Variants in CDK10 observed in about 807,000 individuals in gnomAD.
CDK10 encodes cyclin-dependent kinase 10.
In CDK10, 55 loss-of-function variants were observed where a neutral mutation model predicts 51.0. That is an observed-to-expected ratio of 1.08 (90% CI 0.87 to 1.35). The LOEUF (loss-of-function observed/expected upper bound fraction) is 1.35. CDK10 is among the 40% of genes most tolerant of loss of function. CDK10 has a pLI of 0.00. For missense variants in CDK10, 589 were observed against 485.1 expected, an observed-to-expected ratio of 1.21 and a Z score of -2.01; for synonymous variants, 255 against 199.1, an observed-to-expected ratio of 1.28 and a Z score of -2.36.
At chr16:89,687,654 C>T (rs748077006) in intron 1 of CDK10, 2 of 442,304 alleles carry the variant, frequency 4.5e-6, no homozygotes, top group South Asian at 3.1e-5. Flanking sequence ...TCGTCAGCCT[C>T]CTGGGCTCAA....
At chr16:89,694,143 C>T in intron 8 of CDK10, 30 bp from the exon 9 acceptor site, 3 of 1,611,140 alleles carry the variant, frequency 1.9e-6, no homozygotes, top group Middle Eastern at 1.7e-4. Context: ...GAGGAGCCGG[C>T]TGTATTGAGG....
intron 8 of CDK10, 120 bp downstream of exon 8, chr16:89,693,587 C>A: frequency 1.0e-6 from 1 of 987,492 alleles, no homozygotes; most frequent in African/African-American, 1.6e-5. Context: ...AGGGTCTGTG[C>A]ACACTCAGAA....
Position 89,691,773 on chromosome 16 carries a change from C to G in CDK10, c.336-33C>G, listed in dbSNP as rs368454249. The G allele has an allele frequency of 3.0e-5, 48 of 1,596,882 alleles. No individual in the cohort carries two copies. The African/African-American group carries it at 5.4e-4, about 18-fold the overall frequency. On this transcript the variant is annotated intron_variant, in intron 4 of 12. Coordinates refer to ENST00000353379, the MANE Select transcript of CDK10 (RefSeq NM_052988.5). ...CCACTTCCACCCCTTAGGAGAAGGC[C>G]GGAGAGTGGCATGCATCTTCTGTTT...
Position 89,694,713 on chromosome 16 carries a change from C to T in CDK10, c.717C>T (p.Leu239=). The change falls in exon 10 of 13, where the codon CTC becomes CTT. Residue 239 remains leucine (L), a synonymous_variant. Transcript: ENST00000353379. ...LAELLAHRPL[L]PGTSEIHQID... is the part of the protein sequence containing the mutation. Reference sequence around the variant, plus strand: ...AGCTGCTGGCGCACAGGCCTCTTCTCCCCGGCACTTCCGAGATCCACCAGA... The same window carrying T: ...AGCTGCTGGCGCACAGGCCTCTTCTTCCCGGCACTTCCGAGATCCACCAGA... 1 of 1,585,666 alleles carries T rather than the reference C, an allele frequency of 6.3e-7. No homozygotes were observed. Among genetic ancestry groups the T allele is most frequent in the Non-Finnish European group, 8.6e-7 (1 of 1,166,628 alleles).
Position 89,694,490 on chromosome 16 carries a change from T to C in CDK10, c.669-175T>C, listed in dbSNP as rs879272351. 3.4e-4 allele frequency: 410 copies of C among 1,208,698 alleles called. 1 individual carries two copies. Among genetic ancestry groups the C allele is most frequent in the Non-Finnish European group, 4.5e-4 (389 of 859,666 alleles). The allele number at this position is 1,208,698 out of a possible 1,614,324, so 74.9% of individuals were successfully genotyped here. A position where few individuals can be genotyped will look rare whatever the true frequency, so the allele number is the denominator to read the frequency against. ...CCTGCACTTGTCACCCCGGGAGGCCTGCGGGGCCCAGGAGGGGAGCCAGTG... is the reference window on the plus strand; with the variant it reads ...CCTGCACTTGTCACCCCGGGAGGCCCGCGGGGCCCAGGAGGGGAGCCAGTG... On this transcript the variant is annotated intron_variant, in intron 9 of 12. Transcript: ENST00000353379.
chr16:89,694,060 G>A (rs999284892), intron 8 of CDK10, 113 bp from the exon 9 acceptor site: 27 of 1,050,030 alleles, frequency 2.6e-5, no homozygotes, highest in African/African-American at 1.4e-4. Context: ...AGGGTGGTCC[G>A]AGTTGGGACA....
At chr16:89,686,820 AGCTCTG>A in intron 1 of CDK10, 23 bp downstream of exon 1, 1 of 1,590,116 alleles carries the variant, frequency 6.3e-7, no homozygotes, top group Non-Finnish European at 8.6e-7. Flanking sequence ...CCACCCGGGC[AGCTCTG>A]CCCGCCTCGC....
chr16:89,689,315 G>C lies in CDK10; in HGVS notation c.151G>C (p.Gly51Arg). Reference sequence around the variant, plus strand: ...GAACCGCATTGGAGAGGGTACCTACGGCATTGTGTGTGAGTGGCCAAGGCT... The same window carrying C: ...GAACCGCATTGGAGAGGGTACCTACCGCATTGTGTGTGAGTGGCCAAGGCT... ...KLNRIGEGTYGIVYRARDTQT... is the reference protein window; with the variant it reads ...KLNRIGEGTYRIVYRARDTQT... The change falls in exon 2 of 13, where the codon GGC becomes CGC. Residue 51 changes from glycine to arginine, a missense_variant. Coordinates refer to ENST00000353379, the MANE Select transcript of CDK10 (RefSeq NM_052988.5). The C allele has an allele frequency of 6.2e-7, 1 of 1,613,938 alleles. No homozygotes were observed. Among genetic ancestry groups the C allele is most frequent in the Non-Finnish European group, 8.5e-7 (1 of 1,179,870 alleles).
In CDK10 at chr16:89,695,634, G is replaced by T; in HGVS notation, c.1025G>T (p.Arg342Leu). Residue 342 changes from arginine to leucine, a missense_variant, in exon 13 of 13, where the codon CGC becomes CTC. By Grantham distance (102) the Arg-to-Leu change is moderately radical. Transcript: ENST00000353379. ...CTCATGCCGACCTTTCCCCACCACCGCAACAAGCGGGCCGCCCCAGCCACC... is the reference window on the plus strand; with the variant it reads ...CTCATGCCGACCTTTCCCCACCACCTCAACAAGCGGGCCGCCCCAGCCACC... ...PELMPTFPHH[R>L]NKRAAPATSE... 6.2e-7 allele frequency: 1 copy of T among 1,605,162 alleles called. No individual in the cohort carries two copies.
At chr16:89,687,571 G>A in intron 1 of CDK10, 1 of 451,104 alleles carries the variant, frequency 2.2e-6, no homozygotes, top group South Asian at 1.6e-5. Context: ...TTTCTTTTTT[G>A]TTGTTTTTTT....
intron 8 of CDK10, chr16:89,693,774 A>C (rs2060564710): frequency 1.8e-6 from 1 of 551,090 alleles, no homozygotes; most frequent in Non-Finnish European, 3.3e-6. Flanking sequence ...ACTGAAGGAC[A>C]GGCAGCTTGC....
intron 10 of CDK10, 51 bp downstream of exon 10, chr16:89,694,839 C>T (rs771851224): frequency 1.5e-5 from 17 of 1,166,664 alleles, no homozygotes; most frequent in African/African-American, 1.1e-4. Flanking sequence ...ACGCCCTCTG[C>T]GCCCGCAGCC....
chr16:89,694,242 T>TA lies in CDK10; in HGVS notation c.668+11dup, dbSNP rs1316857233. 14 of 1,613,290 alleles carry TA rather than the reference T, an allele frequency of 8.7e-6. No homozygotes were observed. The highest frequency in any genetic ancestry group is 1.3e-5 in the African/African-American group (1 of 74,834). On this transcript the variant is annotated intron_variant, in intron 9 of 12. Transcript: ENST00000353379. ...CCAGCATCGACATGTGGTGAGGAGA[T>TA]ACGGTTACCGCTCCTGGGGCCTCAG...
intron 1 of CDK10, chr16:89,687,186 G>A: frequency 4.1e-6 from 1 of 243,134 alleles, no homozygotes; most frequent in Non-Finnish European, 8.5e-6. Context: ...GAGCTTGAAG[G>A]CTCCCGCTGG....
At chr16:89,693,646 A>G in intron 8 of CDK10, 179 bp downstream of exon 8, 1 of 632,808 alleles carries the variant, frequency 1.6e-6, no homozygotes, top group South Asian at 1.9e-5. Flanking sequence ...TGTGCCACAA[A>G]ATGGTGAGAG....
At position 89,692,504 on chromosome 16, in the gene CDK10, T is replaced by G; in HGVS notation, c.473T>G (p.Phe158Cys). Residue 158 changes from phenylalanine to cysteine, a missense_variant, in exon 6 of 13, where the codon TTC becomes TGC. Physicochemically the swap from Phe to Cys is radical, Grantham distance 205. Transcript: ENST00000353379. ...LRGLQYLHRN[F>C]IIHRDLKVSN... ...GGCCTCCAGTATCTGCACAGGAACTTCATTATCCACAGGTGGGTGACAGCT... is the reference window on the plus strand; with the variant it reads ...GGCCTCCAGTATCTGCACAGGAACTGCATTATCCACAGGTGGGTGACAGCT... 2.5e-6 allele frequency: 4 copies of G among 1,592,762 alleles called. No individual in the cohort carries two copies. The highest frequency in any genetic ancestry group is 2.6e-6 in the Non-Finnish European group (3 of 1,169,446).
chr16:89,695,507 G>T, intron 12 of CDK10, 88 bp from the exon 13 acceptor site: 1 of 1,516,758 alleles, frequency 6.6e-7, no homozygotes, highest in Non-Finnish European at 9.0e-7. Flanking sequence ...CCAGGGCCAG[G>T]TCCAGAGGCA....
At position 89,694,769 on chromosome 16, in the gene CDK10, C is replaced by G; in HGVS notation, c.773C>G (p.Pro258Arg). 1 of 1,564,320 alleles carries G rather than the reference C, an allele frequency of 6.4e-7. No individual in the cohort carries two copies. The highest frequency in any genetic ancestry group is 2.4e-5 in the East Asian group (1 of 41,370). ...IDLIVQLLGT[P>R]SENIWPGFSK... is the part of the protein sequence containing the mutation. Reference sequence around the variant, plus strand: ...TTGATCGTGCAGCTGCTGGGCACGCCCAGTGAGAACATCTGGCCGGTGGGC... The same window carrying G: ...TTGATCGTGCAGCTGCTGGGCACGCGCAGTGAGAACATCTGGCCGGTGGGC... The change falls in exon 10 of 13, where the codon CCC becomes CGC. Residue 258 changes from proline to arginine, a missense_variant. Physicochemically the swap from Pro to Arg is moderately radical, Grantham distance 103. Coordinates refer to ENST00000353379, the MANE Select transcript of CDK10 (RefSeq NM_052988.5).
chr16:89,692,577 CCT>C (rs2060501409), intron 6 of CDK10, 61 bp downstream of exon 6: 1 of 1,273,416 alleles, frequency 7.9e-7, no homozygotes, highest in African/African-American at 1.5e-5. Context: ...CTCTGCTGCC[CCT>C]GTGGAGTTAC....
Sources: allele counts gnomAD v4.1 joint callset, GRCh38; gene constraint gnomAD v4.1.1; transcripts MANE v1.5; gene names NCBI Gene and HGNC (gene_info 2026-07-23, HGNC 2026-07-21).